Variants in MPDZ observed in about 807,000 individuals in gnomAD.
The protein encoded by MPDZ is multiple PDZ domain protein.
A neutral mutation model predicts 239.1 loss-of-function variants in MPDZ; 234 were observed. The ratio of observed to expected loss-of-function variants is 0.98; its 90% CI spans 0.88 to 1.09. The LOEUF (loss-of-function observed/expected upper bound fraction) is 1.09. MPDZ is among the 50% of genes least tolerant of loss of function. The probability of loss-of-function intolerance (pLI) is 0.00; values close to 1 mark genes in which losing one functional copy is unlikely to be tolerated. For synonymous variants in MPDZ, 1,048 were observed against 881.3 expected, an observed-to-expected ratio of 1.19 and a Z score of -3.35; for missense variants, 3,175 against 2,510.0, an observed-to-expected ratio of 1.26 and a Z score of -5.66.
rs200408315 is a variant in MPDZ at position 13,150,652 on chromosome 9, G to C, written c.3489C>G (p.Gly1163=). ...ELWREPSKSL[G]ISIVGGRGMG... is the part of the protein sequence containing the mutation. ...TCCCTCGTCCACCAACAATGCTGAT[G>C]CCTAAGGATTTGCTTGGTTCTCTCC... Residue 1163 remains glycine, a synonymous_variant, in exon 25 of 47, where the codon GGC becomes GGG. Transcript: ENST00000319217. The C allele has an allele frequency of 6.8e-6, 10 of 1,469,146 alleles. No homozygotes were observed. Among genetic ancestry groups the C allele is most frequent in the Non-Finnish European group, 9.1e-6 (10 of 1,104,478 alleles). The allele number at this position is 1,469,146 out of a possible 1,614,324, so 91.0% of individuals were successfully genotyped here. A position where few individuals can be genotyped will look rare whatever the true frequency, so the allele number is the denominator to read the frequency against.
rs766873973 is a variant in MPDZ at position 13,138,021 on chromosome 9, C to T, written c.4136G>A (p.Gly1379Glu). ...TCCTGCAGCTCCATTTGGATCAATC[C>T]CCACTATGAAGACACTCATCCTGGA... ...DRSRMSVFIV[G>E]IDPNGAAGKD... The change falls in exon 29 of 47, where the codon GGG becomes GAG. Residue 1379 changes from glycine to glutamate, a missense_variant. By Grantham distance (98) the Gly-to-Glu change is moderately conservative (BLOSUM62 -2). Coordinates refer to ENST00000319217, the MANE Select transcript of MPDZ (RefSeq NM_001378778.1). 8 of 1,613,760 alleles carry T rather than the reference C, an allele frequency of 5.0e-6. No homozygotes were observed. The highest frequency in any genetic ancestry group is 1.3e-5 in the African/African-American group (1 of 75,000).
intron 1 of MPDZ, among the ~76,000 whole-genome samples, chr9:13,258,254 G>A (rs566976984): frequency 1.4e-4 from 21 of 152,204 alleles, no homozygotes; most frequent in Non-Finnish European, 2.9e-4. Context: ...TCTGCTCAAT[G>A]CAGATTATAT....
chr9:13,171,240 AAT>A (rs1951740042), intron 21 of MPDZ, among the ~76,000 whole-genome samples: 1 of 152,158 alleles, frequency 6.6e-6, no homozygotes, highest in Non-Finnish European at 1.5e-5. Context: ...AAACTCATAA[AAT>A]ATGTTTAAAA....
Position 13,138,127 on chromosome 9 carries a change from G to C in MPDZ, c.4030C>G (p.Leu1344Val), listed in dbSNP as rs765587977. Residue 1344 changes from leucine (L) to valine (V), a missense_variant, in exon 29 of 47, where the codon CTA (leucine) becomes GTA (valine). Coordinates refer to ENST00000319217, the MANE Select transcript of MPDZ (RefSeq NM_001378778.1). The part of the protein sequence containing the change: ...WKNIRERYGT[L>V]TGELHMIELE... ...TCAATCATATGCAGCTCGCCTGTTAGGGTTCCATAACGCTCTCTGATATTT... is the reference window on the plus strand; with the variant it reads ...TCAATCATATGCAGCTCGCCTGTTACGGTTCCATAACGCTCTCTGATATTT... 1 of 1,598,502 alleles carries C rather than the reference G, an allele frequency of 6.3e-7. No homozygotes were observed. The highest frequency in any genetic ancestry group is 1.1e-5 in the South Asian group (1 of 87,988).
chr9:13,215,450 T>C (rs1958181138), intron 10 of MPDZ, among the ~76,000 whole-genome samples: 1 of 150,944 alleles, frequency 6.6e-6, no homozygotes, highest in Admixed American at 6.6e-5. Flanking sequence ...TATATATATA[T>C]ATATCACATT....
In MPDZ at chr9:13,223,709, C is replaced by A. The variant is rs762475238; in HGVS notation, c.395G>T (p.Gly132Val). 31 of 1,595,976 alleles carry A rather than the reference C, an allele frequency of 1.9e-5. No homozygotes were observed. The Admixed American group carries it at 5.3e-4, about 27-fold the overall frequency. ...GAGCTCAAAAACTTCTACATGGCGA[C>A]CCTGTTTAGGAAACAAAGCAAGAAA... Reference protein sequence around the residue: ...FDQLIKNMAQGRHVEVFELLK... With the variant: ...FDQLIKNMAQVRHVEVFELLK... Residue 132 changes from glycine to valine, a missense_variant and splice_region_variant, in exon 5 of 47, where the codon GGT becomes GTT. Transcript: ENST00000319217.
chr9:13,136,042 GC>G (rs1201815477), intron 31 of MPDZ, 49 bp downstream of exon 31: 3 of 1,182,480 alleles, frequency 2.5e-6, no homozygotes, highest in Non-Finnish European at 3.7e-6. Context: ...AATTAATAAG[GC>G]TCACATCAAT....
intron 1 of MPDZ, among the ~76,000 whole-genome samples, chr9:13,266,557 A>C (rs1434561418): frequency 6.6e-6 from 1 of 152,204 alleles, no homozygotes; most frequent in African/African-American, 2.4e-5. Context: ...TCAATTATCA[A>C]TCTTAATTAT....
In MPDZ at chr9:13,219,609, C is replaced by T. The variant is rs559289035; in HGVS notation, c.1036G>A (p.Ala346Thr). 2.5e-6 allele frequency: 4 copies of T among 1,612,324 alleles called. No homozygotes were observed. Among genetic ancestry groups the T allele is most frequent in the African/African-American group, 1.3e-5 (1 of 74,918 alleles). Residue 346 changes from alanine (A) to threonine (T), a missense_variant, in exon 8 of 47, where the codon GCT becomes ACT. Physicochemically the swap from Ala to Thr is moderately conservative, Grantham distance 58. Coordinates refer to ENST00000319217, the MANE Select transcript of MPDZ (RefSeq NM_001378778.1). ...GATGAGGAGAGGGTGATGCCCAAAG[C>T]AGTGGGTGCTGTACGTTCTTCTATG... ...GAIEERTAPTALGITLSSSPT... is the reference protein window; with the variant it reads ...GAIEERTAPTTLGITLSSSPT...
chr9:13,224,220 G>A (rs1959784082), intron 4 of MPDZ, among the ~76,000 whole-genome samples, 154 bp downstream of exon 4: 1 of 151,908 alleles, frequency 6.6e-6, no homozygotes, highest in Admixed American at 6.6e-5. Flanking sequence ...AATAGAAAAC[G>A]TCTGAACCAT....
In MPDZ at chr9:13,222,242, G is replaced by A; in HGVS notation, c.738C>T (p.His246=). 1 of 1,612,200 alleles carries A rather than the reference G, an allele frequency of 6.2e-7. No homozygotes were observed. The highest frequency in any genetic ancestry group is 1.1e-5 in the South Asian group (1 of 90,984). ...AATTTTAGGTACTCACCGGATTAGA[G>A]TGAGCTGAAATTGTGCTGGCTGCAG... ...SPSAASTISA[H]SNPVHWQHME... The change falls in exon 6 of 47, where the codon CAC becomes CAT. Residue 246 remains histidine (H), a synonymous_variant. Transcript: ENST00000319217.
rs184766223 is a variant in MPDZ at position 13,276,296 on chromosome 9, T to G, written c.-58+3104A>C. ...TTTCCTTTATCGAGAAGTAGTTATTTACCTCCTTAGTCTTATTCTCCCACA... is the reference window on the plus strand; with the variant it reads ...TTTCCTTTATCGAGAAGTAGTTATTGACCTCCTTAGTCTTATTCTCCCACA... On this transcript the variant is annotated intron_variant, in intron 1 of 46. Coordinates refer to ENST00000319217, the MANE Select transcript of MPDZ (RefSeq NM_001378778.1). Among the ~76,000 whole-genome samples the G allele has an allele frequency of 4.6e-5, 7 of 152,354 alleles. No individual in the cohort carries two copies. In the East Asian group the frequency reaches 1.4e-3, roughly 29 times the overall value.
At chr9:13,142,753 T>C (rs1005622207) in intron 27 of MPDZ, among the ~76,000 whole-genome samples, 3 of 152,150 alleles carry the variant, frequency 2.0e-5, no homozygotes, top group African/African-American at 7.2e-5. Context: ...TGGTTATCCA[T>C]ATCAATAACA....
intron 12 of MPDZ, among the ~76,000 whole-genome samples, chr9:13,199,177 C>A (rs1956083387): frequency 6.6e-6 from 1 of 151,976 alleles, no homozygotes; most frequent in African/African-American, 2.4e-5. Context: ...GTGTCCTTTT[C>A]AATTTCTCTC....
intron 3 of MPDZ, among the ~76,000 whole-genome samples, chr9:13,231,346 A>C (rs1962382686): frequency 6.6e-6 from 1 of 152,080 alleles, no homozygotes; most frequent in Non-Finnish European, 1.5e-5. Context: ...TGGGTGGACT[A>C]CTTGAGGCCA....
chr9:13,269,513 G>A (rs937715150), intron 1 of MPDZ, among the ~76,000 whole-genome samples: 2 of 152,034 alleles, frequency 1.3e-5, no homozygotes, highest in African/African-American at 4.8e-5. Flanking sequence ...ATAGAGAGGA[G>A]CATATTATCT....
chr9:13,219,093 A>G (rs1370574914), intron 8 of MPDZ, among the ~76,000 whole-genome samples: 1 of 151,930 alleles, frequency 6.6e-6, no homozygotes, highest in Non-Finnish European at 1.5e-5. Context: ...AGTAAGCCTT[A>G]TTCATACTCA....
chr9:13,209,444 T>C (rs929259091), intron 10 of MPDZ, among the ~76,000 whole-genome samples: 2 of 152,152 alleles, frequency 1.3e-5, no homozygotes, highest in Non-Finnish European at 2.9e-5. Flanking sequence ...AAATTTAAAC[T>C]TTCCCCTTCC....
chr9:13,113,074 A>T lies in MPDZ; in HGVS notation c.5558-20T>A, dbSNP rs201173952. The T allele has an allele frequency of 6.4e-7, 1 of 1,551,936 alleles. No homozygotes were observed. The highest frequency in any genetic ancestry group is 1.4e-5 in the African/African-American group (1 of 73,454). On this transcript the variant is annotated intron_variant, in intron 41 of 46. Coordinates refer to ENST00000319217, the MANE Select transcript of MPDZ (RefSeq NM_001378778.1). ...ATGCCACTGTAAAGGCAAAAAAGAT[A>T]AAATAGGGTTATTTTATGTTCATTC...
Sources: allele counts gnomAD v4.1 joint callset (sites outside exome capture counted in the v4.1 genomes callset), GRCh38; gene constraint gnomAD v4.1.1; transcripts MANE v1.5; gene names NCBI Gene and HGNC (gene_info 2026-07-23, HGNC 2026-07-21).